Variants in PPFIA2 observed in about 807,000 individuals in gnomAD.
PPFIA2 encodes the protein PPFI scaffold protein A2.
PPFIA2 carries 46 observed loss-of-function variants against 175.5 expected under a neutral mutation model. The ratio of observed to expected loss-of-function variants is 0.26; its 90% confidence interval spans 0.21 to 0.34. PPFIA2 has a LOEUF of 0.34. Ranked by LOEUF, PPFIA2 falls within the 10% of genes least tolerant of loss-of-function variation. PPFIA2 has a pLI of 1.00. For missense variants in PPFIA2, 1,179 were observed against 1,506.1 expected, an observed-to-expected ratio of 0.78 and a Z score of 3.60; for synonymous variants, 568 against 511.4, an observed-to-expected ratio of 1.11 and a Z score of -1.49.
intron 4 of PPFIA2, among the ~76,000 whole-genome samples, chr12:81,517,255 A>G (rs761281742): frequency 2.0e-5 from 3 of 152,118 alleles, no homozygotes; most frequent in Non-Finnish European, 2.9e-5. Flanking sequence ...CTTTAAGCCA[A>G]ACATTTAGTA....
chr12:81,658,981 G>T (rs2068283560), intron 4 of PPFIA2, among the ~76,000 whole-genome samples: 1 of 151,906 alleles, frequency 6.6e-6, no homozygotes, highest in Admixed American at 6.6e-5. Flanking sequence ...TATTTATTTT[G>T]CATATTTTGC....
intron 24 of PPFIA2, chr12:81,294,630 T>C (rs1419366740): frequency 1.7e-6 from 1 of 591,480 alleles, no homozygotes; most frequent in African/African-American, 1.9e-5. Flanking sequence ...TCTGCTATGC[T>C]AGCTTTCACG....
chr12:81,584,863 AATTAT>A (rs1407803408), intron 4 of PPFIA2, among the ~76,000 whole-genome samples: 6 of 110,572 alleles, frequency 5.4e-5, no homozygotes, highest in Admixed American at 3.7e-4. Flanking sequence ...AATATAATAT[AATTAT>A]ATTATATAAT....
At chr12:81,539,036 T>A (rs1268099094) in intron 4 of PPFIA2, among the ~76,000 whole-genome samples, 1 of 151,958 alleles carries the variant, frequency 6.6e-6, no homozygotes, top group Non-Finnish European at 1.5e-5. Flanking sequence ...CGAAATGTGG[T>A]CAGATTTCTG....
chr12:81,294,976 A>C lies in PPFIA2; in HGVS notation c.2784T>G (p.Gly928=). The part of the protein sequence containing the change: ...VAACRANVKS[G]AIMSALSDTE... ...TGTCAGATAAAGCAGACATGATGGCACCACTCTTCACGTTGGCTCGGCAGG... is the reference window on the plus strand; with the variant it reads ...TGTCAGATAAAGCAGACATGATGGCCCCACTCTTCACGTTGGCTCGGCAGG... The change falls in exon 24 of 33, where the codon GGT becomes GGG. Residue 928 remains glycine (G), a synonymous_variant. Coordinates refer to ENST00000549396, the MANE Select transcript of PPFIA2 (RefSeq NM_003625.5). The C allele has an allele frequency of 6.2e-7, 1 of 1,613,806 alleles. No individual in the cohort carries two copies. Among genetic ancestry groups the C allele is most frequent in the Non-Finnish European group, 8.5e-7 (1 of 1,179,792 alleles).
chr12:81,318,930 A>C (rs891786169), intron 22 of PPFIA2, among the ~76,000 whole-genome samples: 2 of 151,776 alleles, frequency 1.3e-5, no homozygotes, highest in African/African-American at 4.8e-5. Flanking sequence ...CATACTGAGC[A>C]AAAGAATGAA....
intron 4 of PPFIA2, among the ~76,000 whole-genome samples, chr12:81,630,287 T>C (rs1348944737): frequency 6.6e-6 from 1 of 152,208 alleles, no homozygotes; most frequent in Non-Finnish European, 1.5e-5. Flanking sequence ...AGAGGAAACA[T>C]GTACAATTGC....
chr12:81,440,409 T>G (rs1004989486), intron 6 of PPFIA2, among the ~76,000 whole-genome samples: 2 of 151,652 alleles, frequency 1.3e-5, no homozygotes, highest in Non-Finnish European at 2.9e-5. Context: ...GCATGACAAA[T>G]AGGAAAAAAA....
At chr12:81,324,816 T>C (rs2139757254) in intron 22 of PPFIA2, among the ~76,000 whole-genome samples, 1 of 152,134 alleles carries the variant, frequency 6.6e-6, no homozygotes, top group African/African-American at 2.4e-5. Context: ...TTGGGATATA[T>C]GTACATAATT....
chr12:81,320,992 G>T (rs953208815), intron 22 of PPFIA2, among the ~76,000 whole-genome samples: 3 of 151,186 alleles, frequency 2.0e-5, no homozygotes, highest in African/African-American at 7.3e-5. Context: ...CAAAACATTT[G>T]AATAGACACC....
At chr12:81,633,864 A>G (rs1381216148) in intron 4 of PPFIA2, among the ~76,000 whole-genome samples, 1 of 151,870 alleles carries the variant, frequency 6.6e-6, no homozygotes, top group Non-Finnish European at 1.5e-5. Context: ...TGGGTAATAG[A>G]GAGGTTGCTT....
At chr12:81,515,341 T>C (rs900006714) in intron 4 of PPFIA2, among the ~76,000 whole-genome samples, 13 of 151,932 alleles carry the variant, frequency 8.6e-5, no homozygotes, top group African/African-American at 3.1e-4. Context: ...TCTTGAAGAT[T>C]ACCCAACATA....
intron 4 of PPFIA2, among the ~76,000 whole-genome samples, chr12:81,521,292 C>T (rs1192708822): frequency 1.3e-5 from 2 of 151,978 alleles, no homozygotes; most frequent in Non-Finnish European, 2.9e-5. Flanking sequence ...AACAGCCCCT[C>T]ACAAATGCAG....
chr12:81,491,760 C>G (rs1202817317), intron 4 of PPFIA2, among the ~76,000 whole-genome samples: 1 of 151,838 alleles, frequency 6.6e-6, no homozygotes, highest in Non-Finnish European at 1.5e-5. Flanking sequence ...GTCCTAGTAT[C>G]CTAAATTGTC....
intron 4 of PPFIA2, among the ~76,000 whole-genome samples, chr12:81,641,217 A>G (rs543969123): frequency 6.6e-6 from 1 of 152,304 alleles, no homozygotes; most frequent in East Asian, 1.9e-4. Flanking sequence ...ATTTAACCAC[A>G]TAAATTTTAT....
At chr12:81,523,838 T>G (rs1005313835) in intron 4 of PPFIA2, among the ~76,000 whole-genome samples, 1 of 152,152 alleles carries the variant, frequency 6.6e-6, no homozygotes, top group African/African-American at 2.4e-5. Flanking sequence ...CAGTCTTGCT[T>G]TTTTTACATC....
intron 27 of PPFIA2, among the ~76,000 whole-genome samples, chr12:81,278,837 G>T (rs1242916751): frequency 6.6e-6 from 1 of 152,122 alleles, no homozygotes; most frequent in Non-Finnish European, 1.5e-5. Flanking sequence ...ACATGTTTAG[G>T]AATATAAGCA....
chr12:81,721,460 C>T (rs1350449683), intron 3 of PPFIA2, among the ~76,000 whole-genome samples: 3 of 151,376 alleles, frequency 2.0e-5, no homozygotes, highest in South Asian at 2.1e-4. Flanking sequence ...TAAACACACA[C>T]ACACACACAC....
At position 81,258,599 on chromosome 12, in the gene PPFIA2, T is replaced by G. The variant is rs1467222017; in HGVS notation, c.*1095A>C. 1 of 152,200 alleles carries G rather than the reference T, an allele frequency of 6.6e-6. No individual in the cohort carries two copies. Among genetic ancestry groups the G allele is most frequent in the Non-Finnish European group, 1.5e-5 (1 of 68,036 alleles). 9.4% of individuals were successfully genotyped at this position (152,200 alleles called of 1,614,324 possible). ...TTTATACACTATATATGTTAATCAT[T>G]CTGTCTTTCATTTATTTCCTCTGAT... On this transcript the variant is annotated 3_prime_UTR_variant, in exon 33 of 33. Transcript: ENST00000549396.
Sources: allele counts gnomAD v4.1 joint callset (sites outside exome capture counted in the v4.1 genomes callset), GRCh38; gene constraint gnomAD v4.1.1; transcripts MANE v1.5; gene names NCBI Gene and HGNC (gene_info 2026-07-23, HGNC 2026-07-21).